Variants in LRFN5 observed in about 807,000 individuals in gnomAD.
LRFN5 encodes leucine-rich repeat and fibronectin type-III domain-containing protein 5.
A neutral mutation model predicts 45.6 loss-of-function variants in LRFN5; 24 were observed. That is an observed-to-expected ratio of 0.53 (90% CI 0.38 to 0.74). The LOEUF (loss-of-function observed/expected upper bound fraction) is 0.74. Among genes scored for constraint, LRFN5 ranks in the 30% least tolerant of loss-of-function variants. The probability of loss-of-function intolerance (pLI) is 0.00; values close to 1 mark genes in which losing one functional copy is unlikely to be tolerated. For synonymous variants in LRFN5, 340 were observed against 313.8 expected (o/e 1.08, Z -0.88); for missense variants, 776 against 861.5 (o/e 0.90, Z 1.24).
chr14:41,696,631 T>G (rs1882624894), intron 1 of LRFN5, among the ~76,000 whole-genome samples: 1 of 151,182 alleles, frequency 6.6e-6, no homozygotes, highest in South Asian at 2.1e-4. Context: ...GGTTAGTTTT[T>G]GGGGGACCTC....
intron 2 of LRFN5, among the ~76,000 whole-genome samples, chr14:41,848,155 G>C (rs892473017): frequency 1.3e-5 from 2 of 151,922 alleles, no homozygotes; most frequent in African/African-American, 4.8e-5. Flanking sequence ...CAATATTAAA[G>C]GATCATTACC....
chr14:41,831,918 A>G (rs975587458), intron 2 of LRFN5, among the ~76,000 whole-genome samples: 3 of 152,144 alleles, frequency 2.0e-5, no homozygotes, highest in Non-Finnish European at 4.4e-5. Context: ...CAGCCCTCTT[A>G]CTGGCTTACA....
chr14:41,709,209 A>G (rs1439550212), intron 1 of LRFN5, among the ~76,000 whole-genome samples: 2 of 151,936 alleles, frequency 1.3e-5, no homozygotes, highest in Admixed American at 6.6e-5. Context: ...ATTTTATTTT[A>G]TATCTGTTGG....
rs1185843193 is a variant in LRFN5 at position 41,873,843 on chromosome 14, C to T, written c.-20-12763C>T. On this transcript the variant is annotated intron_variant, in intron 2 of 5. Transcript: ENST00000298119. ...TTTAATTGCTATGGCAACAGCACAA[C>T]AGAGCCAATATAACCACAGGGACTA... 2.0e-5 allele frequency among the ~76,000 whole-genome samples: 3 copies of T among 152,132 alleles called. No homozygotes were observed. The East Asian group carries it at 5.8e-4, about 29-fold the overall frequency.
chr14:41,671,617 G>GT (rs914212982), intron 1 of LRFN5, among the ~76,000 whole-genome samples: 1,186 of 77,980 alleles, frequency 0.015, 66 homozygotes, highest in African/African-American at 0.024. Context: ...TTTTTTTTTC[G>GT]TTTTTTTTTT....
At chr14:41,750,703 C>CA (rs1276681236) in intron 1 of LRFN5, among the ~76,000 whole-genome samples, 1 of 152,102 alleles carries the variant, frequency 6.6e-6, no homozygotes, top group African/African-American at 2.4e-5. Context: ...GTTTAATTGA[C>CA]AGAGTTTTGC....
intron 2 of LRFN5, among the ~76,000 whole-genome samples, chr14:41,837,521 G>C (rs1268988068): frequency 6.6e-6 from 1 of 152,154 alleles, no homozygotes; most frequent in East Asian, 1.9e-4. Context: ...TTAACTAAAA[G>C]CAACCTCTCA....
At chr14:41,734,831 T>C (rs1321287232) in intron 1 of LRFN5, among the ~76,000 whole-genome samples, 3 of 152,028 alleles carry the variant, frequency 2.0e-5, no homozygotes, top group African/African-American at 7.2e-5. Flanking sequence ...GTAAGGGTTT[T>C]GCTTGTGGTT....
At chr14:41,616,710 A>T (rs1228508948) in intron 1 of LRFN5, among the ~76,000 whole-genome samples, 1 of 152,110 alleles carries the variant, frequency 6.6e-6, no homozygotes, top group Non-Finnish European at 1.5e-5. Context: ...ATAGTCTTGA[A>T]TGTTGTCTTT....
At chr14:41,608,854 G>A (rs1177929549) in intron 1 of LRFN5, among the ~76,000 whole-genome samples, 4 of 152,288 alleles carry the variant, frequency 2.6e-5, no homozygotes, top group South Asian at 2.1e-4. Flanking sequence ...AGATGCCAGA[G>A]ATCAAAATTC....
chr14:41,869,775 T>C (rs1889957579), intron 2 of LRFN5, among the ~76,000 whole-genome samples: 1 of 152,008 alleles, frequency 6.6e-6, no homozygotes, highest in African/African-American at 2.4e-5. Flanking sequence ...GTGAGACGTG[T>C]TCACTATCAT....
At chr14:41,706,102 T>G (rs892768908) in intron 1 of LRFN5, among the ~76,000 whole-genome samples, 1 of 152,112 alleles carries the variant, frequency 6.6e-6, no homozygotes, top group Non-Finnish European at 1.5e-5. Flanking sequence ...CGGAACTTTT[T>G]TTTTTGTTTT....
intron 4 of LRFN5, among the ~76,000 whole-genome samples, chr14:41,895,583 C>A (rs1890910775): frequency 1.3e-5 from 2 of 152,002 alleles, no homozygotes; most frequent in African/African-American, 4.8e-5. Context: ...TGACATCCCA[C>A]CACTGCACTC....
intron 1 of LRFN5, among the ~76,000 whole-genome samples, chr14:41,658,770 TA>T (rs1880493634): frequency 1.3e-5 from 2 of 152,134 alleles, no homozygotes; most frequent in South Asian, 4.1e-4. Context: ...TAGTTAATAT[TA>T]ACTATGACCT....
intron 1 of LRFN5, among the ~76,000 whole-genome samples, chr14:41,689,852 G>A (rs1021424609): frequency 3.1e-5 from 4 of 128,308 alleles, no homozygotes; most frequent in African/African-American, 6.1e-5. Context: ...CCGAGATTGC[G>A]CCACTGCACT....
intron 3 of LRFN5, 145 bp from the exon 4 acceptor site, chr14:41,891,105 A>T: frequency 1.4e-6 from 1 of 697,838 alleles, no homozygotes; most frequent in Non-Finnish European, 2.4e-6. Context: ...CTCAGTAAAT[A>T]TGAGATTAGA....
At chr14:41,823,091 C>A (rs1277213782) in intron 2 of LRFN5, among the ~76,000 whole-genome samples, 1 of 151,664 alleles carries the variant, frequency 6.6e-6, no homozygotes, top group East Asian at 1.9e-4. Flanking sequence ...AAAAAAAATC[C>A]ATTCTGCTCA....
chr14:41,887,952 G>A lies in LRFN5; in HGVS notation c.1327G>A (p.Gly443Arg), dbSNP rs1335134922. Residue 443 changes from glycine to arginine, a missense_variant, in exon 3 of 6, where the codon GGA becomes AGA. Transcript: ENST00000298119. This position sits in a 1 kb window ranked among gnomAD's most constrained non-coding sequence, Gnocchi z 4.8. ...LKFNFQRNIP[G>R]IRMFQIQYNG... ...ATTTAATTTTCAAAGAAATATCCCTGGAATACGTATGTTTCAAATCCAGTA... is the reference window on the plus strand; with the variant it reads ...ATTTAATTTTCAAAGAAATATCCCTAGAATACGTATGTTTCAAATCCAGTA... 6.8e-6 allele frequency: 11 copies of A among 1,613,498 alleles called. No individual in the cohort carries two copies. Among genetic ancestry groups the A allele is most frequent in the Non-Finnish European group, 9.3e-6 (11 of 1,179,772 alleles).
At chr14:41,659,632 C>T (rs1308540777) in intron 1 of LRFN5, among the ~76,000 whole-genome samples, 2 of 152,110 alleles carry the variant, frequency 1.3e-5, no homozygotes, top group East Asian at 3.9e-4. Context: ...AACACACTGT[C>T]TCCCACAATG....
Sources: gnomAD v4.1 joint callset for allele counts (sites outside exome capture counted in the v4.1 genomes callset) on GRCh38, gnomAD v4.1.1 for gene constraint, Gnocchi (gnomAD v3.1) non-coding constraint, MANE v1.5 for transcripts, NCBI Gene and HGNC (gene_info 2026-07-23, HGNC 2026-07-21) for gene names.